The following UNC119B variants were observed in gnomAD, a reference collection of about 807,000 sequenced individuals.
UNC119B encodes the protein unc-119 lipid binding chaperone B.
UNC119B carries 16 observed loss-of-function variants against 23.4 expected under a neutral mutation model. That is an observed-to-expected ratio of 0.68 (90% confidence interval 0.46 to 1.04). The LOEUF is 1.04. Among genes scored for constraint, UNC119B ranks in the 50% least tolerant of loss-of-function variants. The pLI, the probability that UNC119B is intolerant of heterozygous loss-of-function variation, is 0.00. For synonymous variants in UNC119B, 144 were observed against 145.4 expected (o/e 0.99, Z 0.07); for missense variants, 350 against 361.3 (o/e 0.97, Z 0.25).
At chr12:120,713,017 C>G (rs1274611518) in intron 1 of UNC119B, among the ~76,000 whole-genome samples, 1 of 152,218 alleles carries the variant, frequency 6.6e-6, no homozygotes, top group Non-Finnish European at 1.5e-5. Context: ...CCAAAGAAAT[C>G]CACCTTTTCT....
Position 120,713,299 on chromosome 12 carries a change from C to T in UNC119B, c.270C>T (p.Asn90=). 1.2e-6 allele frequency: 2 copies of T among 1,613,502 alleles called. No individual in the cohort carries two copies. Among genetic ancestry groups the T allele is most frequent in the East Asian group, 4.5e-5 (2 of 44,882 alleles). The change falls in exon 2 of 5, where the codon AAC becomes AAT. Residue 90 remains asparagine, a synonymous_variant. Transcript: ENST00000344651. ...TENYLCKPED[N]IYSIDFTRFK... The stretch of plus-strand genomic sequence containing the variant: ...ATTATTTATGTAAACCCGAAGACAA[C>T]ATCTACAGTATTGATTTCACCCGCT...
intron 1 of UNC119B, 58 bp from the exon 2 acceptor site, chr12:120,713,212 TTAAA>T: frequency 7.3e-7 from 1 of 1,361,332 alleles, no homozygotes. Context: ...AACTTGAGAA[TTAAA>T]TAAATGGTAG....
chr12:120,710,582 C>A lies in UNC119B; in HGVS notation c.108C>A (p.Asn36Lys). Residue 36 changes from asparagine (N) to lysine (K), a missense_variant, in exon 1 of 5, where the codon AAC (asparagine) becomes AAA (lysine). Transcript: ENST00000344651. ...AGAAGGCGGGCGGCGGCGTCCTGAA[C>A]CGCCTGAAGGCGCGGCGGCAGGCGC... is the stretch of plus-strand genomic sequence containing the variant. ...EKKKAGGGVL[N>K]RLKARRQAPH... 7.0e-7 allele frequency: 1 copy of A among 1,421,944 alleles called. No homozygotes were observed. Among genetic ancestry groups the A allele is most frequent in the Non-Finnish European group, 9.1e-7 (1 of 1,093,584 alleles). 88.1% of individuals were successfully genotyped at this position (1,421,944 alleles called of 1,614,324 possible).
intron 2 of UNC119B, among the ~76,000 whole-genome samples, chr12:120,714,607 C>T (rs1024695356): frequency 4.6e-5 from 7 of 152,226 alleles, no homozygotes; most frequent in African/African-American, 7.2e-5. Context: ...CGTGAGCCAC[C>T]GCGCCTGGTT....
rs1882790540 is a variant in UNC119B at position 120,716,850 on chromosome 12, TAC to T, written c.471-18_471-17del. Reference sequence around the variant, plus strand: ...AGGAGGGAGGAGGCAAAGTCGGGCTTACAGAGATTTATTTTCCAGGGTGGAGT... The same window carrying T: ...AGGAGGGAGGAGGCAAAGTCGGGCTTAGAGATTTATTTTCCAGGGTGGAGT... On this transcript the variant is annotated intron_variant, in intron 3 of 4. Transcript: ENST00000344651. The T allele has an allele frequency of 6.2e-7, 1 of 1,607,264 alleles. No homozygotes were observed. The highest frequency in any genetic ancestry group is 1.3e-5 in the African/African-American group (1 of 74,902).
intron 2 of UNC119B, among the ~76,000 whole-genome samples, chr12:120,715,835 C>CT (rs1287554726): frequency 6.6e-6 from 1 of 152,142 alleles, no homozygotes; most frequent in Non-Finnish European, 1.5e-5. Flanking sequence ...GCCCAGCCCT[C>CT]TGATTCATTT....
Position 120,716,674 on chromosome 12 carries a change from C to T in UNC119B, c.405C>T (p.Ser135=), listed in dbSNP as rs750371705. The T allele has an allele frequency of 1.4e-5, 23 of 1,614,056 alleles. No homozygotes were observed. The East Asian group carries it at 1.6e-4, about 11-fold the overall frequency. ...EEEGGGDVDI[S]AGRFVRYQFT... Reference sequence around the variant, plus strand: ...AGGGAGGTGGAGACGTGGACATCAGCGCAGGACGTTTTGTCCGCTATCAGT... The same window carrying T: ...AGGGAGGTGGAGACGTGGACATCAGTGCAGGACGTTTTGTCCGCTATCAGT... Residue 135 remains serine (S), a synonymous_variant, in exon 3 of 5, where the codon AGC becomes AGT. Transcript: ENST00000344651.
In UNC119B at chr12:120,713,279, T is replaced by A; in HGVS notation, c.250T>A (p.Leu84Ile). 2 of 1,605,050 alleles carry A rather than the reference T, an allele frequency of 1.2e-6. No individual in the cohort carries two copies. Among genetic ancestry groups the A allele is most frequent in the Non-Finnish European group, 1.7e-6 (2 of 1,173,490 alleles). ...TTTCTCTCTCTTGTTTTCAGATTAT[T>A]TATGTAAACCCGAAGACAACATCTA... Reference protein sequence around the residue: ...LRLSRVTENYLCKPEDNIYSI... With the variant: ...LRLSRVTENYICKPEDNIYSI... The change falls in exon 2 of 5, where the codon TTA becomes ATA. Residue 84 changes from leucine to isoleucine, a missense_variant. Physicochemically the swap from Leu to Ile is conservative, Grantham distance 5. Coordinates refer to ENST00000344651, the MANE Select transcript of UNC119B (RefSeq NM_001080533.3).
At chr12:120,716,563 G>A (rs777796952) in intron 2 of UNC119B, 65 bp from the exon 3 acceptor site, 8 of 1,553,748 alleles carry the variant, frequency 5.1e-6, no homozygotes, top group Non-Finnish European at 7.1e-6. Flanking sequence ...TGTTGGGACT[G>A]GTGATAGAAC....
At position 120,716,980 on chromosome 12, in the gene UNC119B, T is replaced by C; in HGVS notation, c.581T>C (p.Ile194Thr). Residue 194 changes from isoleucine to threonine, a missense_variant, in exon 4 of 5, where the codon ATC becomes ACC. Ile to Thr is a moderately conservative substitution (Grantham distance 89). Transcript: ENST00000344651. ...KNFDFDFGFC[I>T]PSSRNTCEHI... ...TTTGACTTTGATTTTGGCTTCTGCA[T>C]CCCCAGCAGTAGGAACACTTGTGAA... 2.4e-5 allele frequency: 39 copies of C among 1,613,630 alleles called. No homozygotes were observed. The highest frequency in any genetic ancestry group is 3.2e-5 in the Non-Finnish European group (38 of 1,179,726).
rs751985968 is a variant in UNC119B at position 120,713,405 on chromosome 12, G to A, written c.358+18G>A. On this transcript the variant is annotated intron_variant, in intron 2 of 4. Coordinates refer to ENST00000344651, the MANE Select transcript of UNC119B (RefSeq NM_001080533.3). ...CGTTTCAGGTAGGCCTCTACGTTGT[G>A]GTGACCACTAGACAGTTTTGAGCCA... 6.1e-5 allele frequency: 96 copies of A among 1,578,472 alleles called. No homozygotes were observed. The highest frequency in any genetic ancestry group is 4.3e-5 in the Non-Finnish European group (49 of 1,149,534).
At chr12:120,711,123 C>T (rs1372364804) in intron 1 of UNC119B, 1 of 157,362 alleles carries the variant, frequency 6.4e-6, no homozygotes, top group Non-Finnish European at 1.4e-5. Flanking sequence ...CCCGCTCAGC[C>T]AGGCTCCCCC....
rs540221218 is a variant in UNC119B at position 120,717,533 on chromosome 12, A to C, written c.643+491A>C. 8.0e-5 allele frequency among the ~76,000 whole-genome samples: 12 copies of C among 149,986 alleles called. 1 individual carries two copies. In the East Asian group the frequency reaches 2.2e-3, roughly 27 times the overall value. On this transcript the variant is annotated intron_variant, in intron 4 of 4. Transcript: ENST00000344651. ...CGGCCTCCCACAATGCTGGGATTACAGGTGTGAGCCACTGCCCCCGGCCCT... is the reference window on the plus strand; with the variant it reads ...CGGCCTCCCACAATGCTGGGATTACCGGTGTGAGCCACTGCCCCCGGCCCT...
Position 120,710,624 on chromosome 12 carries a change from C to T in UNC119B, c.150C>T (p.Asp50=). 3 of 1,442,748 alleles carry T rather than the reference C, an allele frequency of 2.1e-6. No homozygotes were observed. Among genetic ancestry groups the T allele is most frequent in the East Asian group, 3.0e-5 (1 of 32,800 alleles). The allele number at this position is 1,442,748 out of a possible 1,614,324, so 89.4% of individuals were successfully genotyped here. A position where few individuals can be genotyped will look rare whatever the true frequency, so the allele number is the denominator to read the frequency against. Residue 50 remains aspartate (D), a synonymous_variant, in exon 1 of 5, where the codon GAC becomes GAT. Coordinates refer to ENST00000344651, the MANE Select transcript of UNC119B (RefSeq NM_001080533.3). ...ARRQAPHHAA[D]DGVGAAVTEQ... ...GGCAGGCGCCCCACCACGCGGCCGA[C>T]GACGGCGTCGGGGCAGCGGTCACGG...
chr12:120,715,343 C>T (rs975720197), intron 2 of UNC119B, among the ~76,000 whole-genome samples: 1 of 152,112 alleles, frequency 6.6e-6, no homozygotes, highest in Admixed American at 6.5e-5. Context: ...TGGGGGTGAA[C>T]CCCTACTCAG....
At chr12:120,710,750 G>A (rs1448166361) in intron 1 of UNC119B, 32 bp downstream of exon 1, 6 of 1,304,530 alleles carry the variant, frequency 4.6e-6, no homozygotes, top group Non-Finnish European at 5.8e-6. Flanking sequence ...CCCTCCCCTC[G>A]CGCCGTGCCC....
Position 120,715,521 on chromosome 12 carries a change from C to CT in UNC119B, c.359-1078dup, listed in dbSNP as rs55906857. Among the ~76,000 whole-genome samples the CT allele has an allele frequency of 2.8e-4, 20 of 71,506 alleles. 1 individual carries two copies. Among genetic ancestry groups the CT allele is most frequent in the African/African-American group, 7.5e-4 (12 of 15,932 alleles). 46.9% of individuals were successfully genotyped at this position (71,506 alleles called of 152,430 possible). A position where few individuals can be genotyped will look rare whatever the true frequency, so the allele number is the denominator to read the frequency against. The stretch of plus-strand genomic sequence containing the variant: ...ACATTAGAATGCTTGTTCTCTGATT[C>CT]TTTTTTTTTTTTTTTTTTTTTTTTT... On this transcript the variant is annotated intron_variant, in intron 2 of 4. Coordinates refer to ENST00000344651, the MANE Select transcript of UNC119B (RefSeq NM_001080533.3).
rs1297563574 is a variant in UNC119B at position 120,721,282 on chromosome 12, T to C, written c.*1250T>C. ...TCAGAGTGATGTGTTCTCAAAAAAGTTCACTTGCACATCTGTGGGCTGCTT... is the reference window on the plus strand; with the variant it reads ...TCAGAGTGATGTGTTCTCAAAAAAGCTCACTTGCACATCTGTGGGCTGCTT... On this transcript the variant is annotated 3_prime_UTR_variant, in exon 5 of 5. Coordinates refer to ENST00000344651, the MANE Select transcript of UNC119B (RefSeq NM_001080533.3). 6.6e-6 allele frequency: 1 copy of C among 152,208 alleles called. No homozygotes were observed. The highest frequency in any genetic ancestry group is 1.5e-5 in the Non-Finnish European group (1 of 68,042). 9.4% of individuals were successfully genotyped at this position (152,208 alleles called of 1,614,324 possible).
chr12:120,718,058 C>T (rs566447426), intron 4 of UNC119B, among the ~76,000 whole-genome samples: 7 of 152,048 alleles, frequency 4.6e-5, no homozygotes, highest in Non-Finnish European at 8.8e-5. Flanking sequence ...TTAGTAGAGA[C>T]GGGGTTTCAC....
Sources: gnomAD v4.1 joint callset for allele counts (sites outside exome capture counted in the v4.1 genomes callset) on GRCh38, gnomAD v4.1.1 for gene constraint, MANE v1.5 for transcripts, NCBI Gene and HGNC (gene_info 2026-07-23, HGNC 2026-07-21) for gene names.